Variants in GALNT18 observed in about 807,000 individuals in gnomAD.
GALNT18 encodes polypeptide N-acetylgalactosaminyltransferase 18.
In GALNT18, 44 loss-of-function variants were observed where a neutral mutation model predicts 69.5. The ratio of observed to expected loss-of-function variants is 0.63; its 90% CI spans 0.50 to 0.81. GALNT18 has a LOEUF of 0.81. Ranked by LOEUF, GALNT18 falls within the 40% of genes least tolerant of loss-of-function variation. The probability of loss-of-function intolerance (pLI) is 0.00; values close to 1 mark genes in which losing one functional copy is unlikely to be tolerated. For missense variants in GALNT18, 715 were observed against 810.0 expected, an observed-to-expected ratio of 0.88 and a Z score of 1.42; for synonymous variants, 364 against 318.2, an observed-to-expected ratio of 1.14 and a Z score of -1.53.
intron 2 of GALNT18, among the ~76,000 whole-genome samples, chr11:11,434,185 T>C (rs1855344286): frequency 6.6e-6 from 1 of 152,058 alleles, no homozygotes; most frequent in African/African-American, 2.4e-5. Context: ...TACCAGAAAT[T>C]TACAGAAACT....
chr11:11,383,883 G>C lies in GALNT18; in HGVS notation c.596-4619C>G, dbSNP rs940592176. Among the ~76,000 whole-genome samples the C allele has an allele frequency of 6.6e-6, 1 of 151,972 alleles. No individual in the cohort carries two copies. The highest frequency in any genetic ancestry group is 6.6e-5 in the Admixed American group (1 of 15,258). ...TCTCCTGCCACCTTGTGAAGAAGGT[G>C]ACTGTTTCTCCTTCACCTTCTGCCA... On this transcript the variant is annotated intron_variant, in intron 3 of 10. Coordinates refer to ENST00000227756, the MANE Select transcript of GALNT18 (RefSeq NM_198516.3). This position sits in a 1 kb window ranked among gnomAD's most constrained non-coding sequence, Gnocchi z 5.2.
At chr11:11,509,968 A>G (rs1857136556) in intron 1 of GALNT18, among the ~76,000 whole-genome samples, 1 of 152,242 alleles carries the variant, frequency 6.6e-6, no homozygotes, top group Non-Finnish European at 1.5e-5. Context: ...TCCTCTGAGA[A>G]GCCTTCTGAG....
chr11:11,561,594 C>T (rs1233507310), intron 1 of GALNT18, among the ~76,000 whole-genome samples: 2 of 152,178 alleles, frequency 1.3e-5, no homozygotes, highest in African/African-American at 2.4e-5. Context: ...AGGAAAGGCT[C>T]GTTGACCTCA....
At position 11,286,295 on chromosome 11, in the gene GALNT18, C is replaced by G. The variant is rs1292883226; in HGVS notation, c.1677+6734G>C. Among the ~76,000 whole-genome samples the G allele has an allele frequency of 3.9e-5, 6 of 152,240 alleles. No individual in the cohort carries two copies. In the South Asian group the frequency reaches 1.2e-3, roughly 32 times the overall value. On this transcript the variant is annotated intron_variant, in intron 10 of 10. Transcript: ENST00000227756. ...TTTAGTATAAAATATTTCCACCTCTCTCCTCCAAATCTGAGGTGATCGGAA... is the reference window on the plus strand; with the variant it reads ...TTTAGTATAAAATATTTCCACCTCTGTCCTCCAAATCTGAGGTGATCGGAA...
rs962368819 is a variant in GALNT18 at position 11,380,112 on chromosome 11, A to G, written c.596-848T>C. On this transcript the variant is annotated intron_variant, in intron 3 of 10. Transcript: ENST00000227756. ...TGTCTGCCCTGATGAGTGATCATGCAGCCCCTGCAGTAAAAGGGAAATCCA... is the reference window on the plus strand; with the variant it reads ...TGTCTGCCCTGATGAGTGATCATGCGGCCCCTGCAGTAAAAGGGAAATCCA... Among the ~76,000 whole-genome samples, 7 of 152,336 alleles carry G rather than the reference A, an allele frequency of 4.6e-5. No individual in the cohort carries two copies. In the South Asian group the frequency reaches 1.4e-3, roughly 32 times the overall value.
At chr11:11,276,168 G>A (rs1429797296) in intron 10 of GALNT18, among the ~76,000 whole-genome samples, 1 of 152,140 alleles carries the variant, frequency 6.6e-6, no homozygotes. Context: ...CCATGAGCGT[G>A]GAATGTTTTT....
intron 1 of GALNT18, among the ~76,000 whole-genome samples, chr11:11,588,786 C>T (rs751064763): frequency 6.6e-6 from 1 of 152,224 alleles, no homozygotes; most frequent in Non-Finnish European, 1.5e-5. Context: ...TACTTTGCCA[C>T]TCTACCTTTT....
chr11:11,411,248 A>C (rs935678792), intron 3 of GALNT18, among the ~76,000 whole-genome samples: 10 of 152,346 alleles, frequency 6.6e-5, no homozygotes, highest in Admixed American at 2.0e-4. Flanking sequence ...CAGGAGATCT[A>C]GGTTGCAGTG....
chr11:11,508,534 T>C (rs1244750371), intron 1 of GALNT18, among the ~76,000 whole-genome samples: 1 of 152,246 alleles, frequency 6.6e-6, no homozygotes, highest in African/African-American at 2.4e-5. Flanking sequence ...ATAAGTAATG[T>C]GTGGGTGTTA....
chr11:11,282,606 C>G (rs1411627820), intron 10 of GALNT18, among the ~76,000 whole-genome samples: 2 of 152,082 alleles, frequency 1.3e-5, no homozygotes, highest in African/African-American at 4.8e-5. Flanking sequence ...CCAGCCCTTG[C>G]CTATCACAGT....
At chr11:11,326,964 TG>T in intron 9 of GALNT18, 121 bp downstream of exon 9, 1 of 705,734 alleles carries the variant, frequency 1.4e-6, no homozygotes, top group South Asian at 1.8e-5. Context: ...CAGAGGCCCC[TG>T]GTCCCAGAGC....
In GALNT18 at chr11:11,621,357, AC is replaced by A; in HGVS notation, c.235+1del. The A allele has an allele frequency of 1.2e-6, 2 of 1,612,692 alleles. No homozygotes were observed. Among genetic ancestry groups the A allele is most frequent in the Non-Finnish European group, 1.7e-6 (2 of 1,179,116 alleles). ...CGACCCAAGTTTCCGGGGCGCCCGT[AC>A]CTTGAATGTGCTGCTTGATGACATT... is the stretch of plus-strand genomic sequence containing the variant. On this transcript the variant is annotated splice_donor_variant, in intron 1 of 10. Transcript: ENST00000227756. LOFTEE classifies it high-confidence loss of function. The surrounding 1 kb of genome is among the most constrained non-coding windows in gnomAD (Gnocchi z 9.3).
chr11:11,297,233 A>T (rs1303503821), intron 9 of GALNT18, among the ~76,000 whole-genome samples: 1 of 152,188 alleles, frequency 6.6e-6, no homozygotes, highest in Non-Finnish European at 1.5e-5. Flanking sequence ...CGCTGTTGAG[A>T]TACCCCAACT....
chr11:11,427,637 A>G (rs1368324119), intron 3 of GALNT18, among the ~76,000 whole-genome samples: 1 of 152,150 alleles, frequency 6.6e-6, no homozygotes, highest in African/African-American at 2.4e-5. Flanking sequence ...AGAGGTTAAG[A>G]ACACACAGGT....
intron 5 of GALNT18, among the ~76,000 whole-genome samples, chr11:11,373,719 G>A (rs893544706): frequency 6.6e-6 from 1 of 152,256 alleles, no homozygotes. Context: ...AAGACACCCA[G>A]TGCAGCACCT....
chr11:11,273,126 C>G (rs1404429509), intron 10 of GALNT18, among the ~76,000 whole-genome samples: 1 of 152,142 alleles, frequency 6.6e-6, no homozygotes, highest in Admixed American at 6.5e-5. Flanking sequence ...GGAAACACTC[C>G]AGGACATTGA....
chr11:11,289,666 C>T (rs578015632), intron 10 of GALNT18, among the ~76,000 whole-genome samples: 89 of 152,272 alleles, frequency 5.8e-4, no homozygotes, highest in African/African-American at 2.1e-3. Flanking sequence ...TAGGTGTGCA[C>T]AGGAGATGAG....
chr11:11,282,844 C>A (rs1849111753), intron 10 of GALNT18, among the ~76,000 whole-genome samples: 1 of 152,116 alleles, frequency 6.6e-6, no homozygotes, highest in African/African-American at 2.4e-5. Context: ...TTTGTAGAGA[C>A]CATATTCTAG....
At position 11,389,443 on chromosome 11, in the gene GALNT18, G is replaced by C. The variant is rs975553690; in HGVS notation, c.596-10179C>G. Among the ~76,000 whole-genome samples the C allele has an allele frequency of 1.3e-5, 2 of 152,230 alleles. No individual in the cohort carries two copies. The highest frequency in any genetic ancestry group is 2.4e-5 in the African/African-American group (1 of 41,454). ...GGGCCACCTCGCCTTTGTACTTCCT[G>C]GGGCTGTGTGAGGAGGAAAATCCTG... is the stretch of plus-strand genomic sequence containing the variant. On this transcript the variant is annotated intron_variant, in intron 3 of 10. Transcript: ENST00000227756. This position sits in a 1 kb window ranked among gnomAD's most constrained non-coding sequence, Gnocchi z 4.3.
Sources: allele counts gnomAD v4.1 joint callset (sites outside exome capture counted in the v4.1 genomes callset), GRCh38; gene constraint gnomAD v4.1.1; non-coding constraint Gnocchi (gnomAD v3.1); transcripts MANE v1.5; gene names NCBI Gene and HGNC (gene_info 2026-07-23, HGNC 2026-07-21).